Variants in FRMD4A observed in about 807,000 individuals in gnomAD.
The protein encoded by FRMD4A is FERM domain containing 4A.
A neutral mutation model predicts 129.1 loss-of-function variants in FRMD4A; 29 were observed. The ratio of observed to expected loss-of-function variants is 0.22; its 90% confidence interval spans 0.17 to 0.31. The LOEUF (loss-of-function observed/expected upper bound fraction) is 0.31, where lower values mean the gene tolerates loss of function less well. Among genes scored for constraint, FRMD4A ranks in the 10% least tolerant of loss-of-function variants. FRMD4A has a pLI of 1.00. For missense variants in FRMD4A, 1,272 were observed against 1,375.8 expected (o/e 0.92, Z 1.19); for synonymous variants, 634 against 571.6 (o/e 1.11, Z -1.56).
intron 2 of FRMD4A, among the ~76,000 whole-genome samples, chr10:14,102,766 G>C (rs1837374295): frequency 7.0e-5 from 1 of 14,192 alleles, no homozygotes; most frequent in Non-Finnish European, 2.3e-4. Flanking sequence ...CTTGAAGATA[G>C]TGAGAAAAAA....
At chr10:13,969,451 C>T (rs750034955) in intron 2 of FRMD4A, among the ~76,000 whole-genome samples, 14 of 152,196 alleles carry the variant, frequency 9.2e-5, no homozygotes, top group South Asian at 4.1e-4. Context: ...TTTCCAGGCC[C>T]GGTGGCCAAT....
rs58579085 is a variant in FRMD4A at position 14,129,409 on chromosome 10, A to ATATATATATATATAT, written c.45+200648_45+200649insATATATATATATATA. On this transcript the variant is annotated intron_variant, in intron 2 of 24. Coordinates refer to ENST00000357447, the MANE Select transcript of FRMD4A (RefSeq NM_018027.5). ...ATATATATATATATATATATATATA[A>ATATATATATATATAT]AAAATATGAGCTGTAGAACATACTT... Among the ~76,000 whole-genome samples the ATATATATATATATAT allele has an allele frequency of 1.8e-4, 17 of 93,506 alleles. 2 individuals carry two copies. Among genetic ancestry groups the ATATATATATATATAT allele is most frequent in the Non-Finnish European group, 3.0e-4 (15 of 50,316 alleles). 61.3% of individuals were successfully genotyped at this position (93,506 alleles called of 152,430 possible). A position where few individuals can be genotyped will look rare whatever the true frequency, so the allele number is the denominator to read the frequency against.
intron 2 of FRMD4A, among the ~76,000 whole-genome samples, chr10:14,245,937 C>T (rs1844220296): frequency 3.3e-5 from 5 of 152,192 alleles, no homozygotes. Context: ...GAGGCTGGGC[C>T]ACTTAGCCGG....
rs763391755 is a variant in FRMD4A at position 13,707,040 on chromosome 10, C to T, written c.833G>A (p.Arg278His). 102 of 1,546,486 alleles carry T rather than the reference C, an allele frequency of 6.6e-5. No individual in the cohort carries two copies. Among genetic ancestry groups the T allele is most frequent in the Non-Finnish European group, 8.5e-5 (95 of 1,118,446 alleles). ...KKFSVEVHDP[R>H]RASVTRRTFG... ...GAAAAGGACTTTTCAAGCTTACCTGCGTGGGTCATGAACTTCCACGGAAAA... is the reference window on the plus strand; with the variant it reads ...GAAAAGGACTTTTCAAGCTTACCTGTGTGGGTCATGAACTTCCACGGAAAA... Residue 278 changes from arginine to histidine, a missense_variant, in exon 13 of 25, where the codon CGC becomes CAC. This residue lies in a region of FRMD4A where 300 missense variants were observed against 483.6 expected (regional missense o/e 0.62). Coordinates refer to ENST00000357447, the MANE Select transcript of FRMD4A (RefSeq NM_018027.5).
intron 2 of FRMD4A, among the ~76,000 whole-genome samples, chr10:14,216,680 G>A (rs1186282048): frequency 6.6e-6 from 1 of 152,010 alleles, no homozygotes; most frequent in Admixed American, 6.6e-5. Flanking sequence ...TTGATTTTCA[G>A]ATTCCCAAGA....
intron 2 of FRMD4A, among the ~76,000 whole-genome samples, chr10:14,231,818 G>A (rs10082377): frequency 0.019 from 2,899 of 152,202 alleles, 88 homozygotes; most frequent in African/African-American, 0.066. Context: ...TCTTATAGAT[G>A]CTCGATATTA....
In FRMD4A at chr10:13,982,502, G is replaced by GGGGAGGGGAGGGGA. The variant is rs1565153426; in HGVS notation, c.46-123591_46-123590insTCCCCTCCCCTCCC. ...AGGGGAGGGGAGGGGAGGGGAGGGG[G>GGGGAGGGGAGGGGA]GGGAAGGGATCCTCTGACCTACCTT... On this transcript the variant is annotated intron_variant, in intron 2 of 24. Transcript: ENST00000357447. 1.4e-4 allele frequency among the ~76,000 whole-genome samples: 15 copies of GGGGAGGGGAGGGGA among 110,488 alleles called. 1 individual carries two copies. The highest frequency in any genetic ancestry group is 6.2e-4 in the African/African-American group (15 of 24,344). The allele number at this position is 110,488 out of a possible 152,430, so 72.5% of individuals were successfully genotyped here.
At chr10:13,841,896 T>C (rs753091482) in intron 3 of FRMD4A, among the ~76,000 whole-genome samples, 1 of 152,174 alleles carries the variant, frequency 6.6e-6, no homozygotes, top group Non-Finnish European at 1.5e-5. Flanking sequence ...GCAGCTGGCA[T>C]CCAAACTGAG....
At chr10:14,182,415 C>A (rs998206217) in intron 2 of FRMD4A, among the ~76,000 whole-genome samples, 3 of 152,156 alleles carry the variant, frequency 2.0e-5, no homozygotes, top group African/African-American at 4.8e-5. Flanking sequence ...GGCAAGGTGG[C>A]ACATGCCTAT....
In FRMD4A at chr10:13,889,723, C is replaced by A. The variant is rs982513231; in HGVS notation, c.46-30811G>T. On this transcript the variant is annotated intron_variant, in intron 2 of 24. Transcript: ENST00000357447. ...TGGAGAGATTTTCTGATCCTTATTC[C>A]TACTAAAACAATTCCCCTTTAATGA... Among the ~76,000 whole-genome samples the A allele has an allele frequency of 4.6e-5, 7 of 152,134 alleles. No homozygotes were observed. The East Asian group carries it at 1.3e-3, about 29-fold the overall frequency.
At chr10:14,291,984 G>A (rs1845862918) in intron 2 of FRMD4A, among the ~76,000 whole-genome samples, 1 of 151,876 alleles carries the variant, frequency 6.6e-6, no homozygotes. Context: ...ATATTTCTTA[G>A]GAATAAATCT....
intron 12 of FRMD4A, among the ~76,000 whole-genome samples, chr10:13,725,657 A>G (rs1393713974): frequency 6.6e-6 from 1 of 152,178 alleles, no homozygotes; most frequent in East Asian, 1.9e-4. Flanking sequence ...TGGCTTACCC[A>G]GACCAGTCTC....
At chr10:14,016,286 A>G (rs748128737) in intron 2 of FRMD4A, among the ~76,000 whole-genome samples, 6 of 152,232 alleles carry the variant, frequency 3.9e-5, no homozygotes, top group Non-Finnish European at 7.3e-5. Context: ...CTCAATCTTC[A>G]TCATAGCGAG....
chr10:14,058,923 T>C (rs1363250142), intron 2 of FRMD4A, among the ~76,000 whole-genome samples: 1 of 118,458 alleles, frequency 8.4e-6, no homozygotes, highest in Non-Finnish European at 1.9e-5. Flanking sequence ...GTTTAGAAGG[T>C]GGTGGGATGA....
chr10:13,959,653 T>C (rs1429447239), intron 2 of FRMD4A, among the ~76,000 whole-genome samples: 1 of 152,070 alleles, frequency 6.6e-6, no homozygotes, highest in African/African-American at 2.4e-5. Flanking sequence ...CTTCATGAGC[T>C]TGGGAGGCAA....
At chr10:14,265,111 C>G (rs2132038558) in intron 2 of FRMD4A, among the ~76,000 whole-genome samples, 1 of 152,278 alleles carries the variant, frequency 6.6e-6, no homozygotes, top group East Asian at 1.9e-4. Flanking sequence ...CCATTAATGG[C>G]TCTGAACTTT....
intron 2 of FRMD4A, among the ~76,000 whole-genome samples, chr10:14,185,208 G>T (rs1371860748): frequency 6.6e-6 from 1 of 152,212 alleles, no homozygotes; most frequent in East Asian, 1.9e-4. Context: ...GTAGCCCAAA[G>T]CCACTGTGGG....
chr10:14,009,792 G>C (rs1221324307), intron 2 of FRMD4A, among the ~76,000 whole-genome samples: 8 of 113,434 alleles, frequency 7.1e-5, no homozygotes, highest in Non-Finnish European at 1.1e-4. Flanking sequence ...CAGTAGGAGA[G>C]TCAGTGAGAG....
At chr10:14,267,337 G>A (rs1246425124) in intron 2 of FRMD4A, among the ~76,000 whole-genome samples, 2 of 152,188 alleles carry the variant, frequency 1.3e-5, no homozygotes, top group African/African-American at 4.8e-5. Flanking sequence ...TCAAAGGGAT[G>A]TCTTCATATA....
Sources: allele counts gnomAD v4.1 joint callset (sites outside exome capture counted in the v4.1 genomes callset), GRCh38; gene constraint gnomAD v4.1.1; regional missense constraint gnomAD v4.1.1; transcripts MANE v1.5; gene names NCBI Gene and HGNC (gene_info 2026-07-23, HGNC 2026-07-21).